MMP16: variants seen among roughly 807,000 people sequenced by gnomAD.
The protein encoded by MMP16 is matrix metallopeptidase 16.
MMP16 carries 12 observed loss-of-function variants against 67.8 expected under a neutral mutation model. That is an observed-to-expected ratio of 0.18 (90% CI 0.11 to 0.29). The LOEUF (loss-of-function observed/expected upper bound fraction) is 0.29, where lower values mean the gene tolerates loss of function less well. Among genes scored for constraint, MMP16 ranks in the 10% least tolerant of loss-of-function variants. The pLI is 1.00. For missense variants in MMP16, 475 were observed against 765.7 expected (o/e 0.62, Z 4.48); for synonymous variants, 249 against 255.9 (o/e 0.97, Z 0.26).
chr8:88,097,517 T>A (rs1455310311), intron 6 of MMP16, among the ~76,000 whole-genome samples: 1 of 150,234 alleles, frequency 6.7e-6, no homozygotes, highest in African/African-American at 2.4e-5. Context: ...TCTTGGTTAC[T>A]TGGTAGACTC....
chr8:88,057,426 A>G (rs16877270), intron 7 of MMP16, among the ~76,000 whole-genome samples: 39,675 of 151,926 alleles, frequency 0.26, 5,408 homozygotes, highest in Non-Finnish European at 0.3. Flanking sequence ...TTACCCTAAA[A>G]TTGTATTTCC....
intron 6 of MMP16, among the ~76,000 whole-genome samples, chr8:88,089,678 G>C (rs1233886256): frequency 2.0e-5 from 3 of 151,946 alleles, no homozygotes; most frequent in African/African-American, 7.2e-5. Flanking sequence ...TGTCTAAGGG[G>C]AAGACGTTCA....
chr8:88,242,927 T>A (rs1810055304), intron 1 of MMP16, among the ~76,000 whole-genome samples: 1 of 152,142 alleles, frequency 6.6e-6, no homozygotes, highest in Admixed American at 6.5e-5. Context: ...AAGACACTAT[T>A]TTTCTTTTAA....
At chr8:88,280,678 C>G (rs1375478345) in intron 1 of MMP16, among the ~76,000 whole-genome samples, 1 of 152,036 alleles carries the variant, frequency 6.6e-6, no homozygotes, top group Admixed American at 6.6e-5. Flanking sequence ...ATCACTTGAG[C>G]CCAAGAGTTC....
At chr8:88,237,613 C>T (rs908023888) in intron 1 of MMP16, among the ~76,000 whole-genome samples, 1 of 152,036 alleles carries the variant, frequency 6.6e-6, no homozygotes, top group Non-Finnish European at 1.5e-5. Context: ...CGCGCCACAG[C>T]ACTCCAGCCT....
Position 88,039,587 on chromosome 8 carries a change from T to TAATG in MMP16, c.*1870_*1873dup, listed in dbSNP as rs1808104066. On this transcript the variant is annotated 3_prime_UTR_variant, in exon 10 of 10. Transcript: ENST00000286614. The surrounding 1 kb of genome is among the most constrained non-coding windows in gnomAD (Gnocchi z 4.5). ...CAGAAGACAATGTTTAAGTTGTTGT[T>TAATG]AATGACAGTCAATAGATCAATAATC... 1 of 152,630 alleles carries TAATG rather than the reference T, an allele frequency of 6.6e-6. No homozygotes were observed. Among genetic ancestry groups the TAATG allele is most frequent in the South Asian group, 2.1e-4 (1 of 4,832 alleles). The allele number at this position is 152,630 out of a possible 1,614,324, so 9.5% of individuals were successfully genotyped here. A position where few individuals can be genotyped will look rare whatever the true frequency, so the allele number is the denominator to read the frequency against.
At chr8:88,086,646 C>T (rs1326086642) in intron 6 of MMP16, among the ~76,000 whole-genome samples, 1 of 151,808 alleles carries the variant, frequency 6.6e-6, no homozygotes, top group East Asian at 1.9e-4. Flanking sequence ...TATTTTCAAA[C>T]TAAAGAAAGA....
intron 4 of MMP16, among the ~76,000 whole-genome samples, chr8:88,144,251 C>A (rs923819896): frequency 1.6e-4 from 24 of 151,894 alleles, no homozygotes; most frequent in Admixed American, 1.3e-4. Flanking sequence ...TTTTCTTGAT[C>A]TAATATTCTA....
intron 1 of MMP16, among the ~76,000 whole-genome samples, chr8:88,326,043 T>A (rs943908138): frequency 2.0e-5 from 3 of 152,096 alleles, no homozygotes; most frequent in African/African-American, 7.2e-5. Context: ...ATCAACAATA[T>A]AAGAAAAAAA....
chr8:88,284,118 C>T lies in MMP16; in HGVS notation c.132+42957G>A, dbSNP rs28986505. Among the ~76,000 whole-genome samples, 1,035 of 152,290 alleles carry T rather than the reference C, an allele frequency of 6.8e-3. 8 individuals are homozygous for T. Among genetic ancestry groups the T allele is most frequent in the Middle Eastern group, 0.01 (3 of 294 alleles). On this transcript the variant is annotated intron_variant, in intron 1 of 9. Coordinates refer to ENST00000286614, the MANE Select transcript of MMP16 (RefSeq NM_005941.5). Reference sequence around the variant, plus strand: ...CACTATTAGGACAGTATTGTCTTTACTTGTTCTAGTGAAAGTCATTTGAAA... The same window carrying T: ...CACTATTAGGACAGTATTGTCTTTATTTGTTCTAGTGAAAGTCATTTGAAA...
intron 7 of MMP16, chr8:88,069,115 G>A (rs184108016): frequency 1.0e-5 from 2 of 191,860 alleles, no homozygotes; most frequent in Non-Finnish European, 2.1e-5. Flanking sequence ...CAAGTATTTC[G>A]ATCGGGATTG....
At chr8:88,287,610 A>G (rs891868200) in intron 1 of MMP16, among the ~76,000 whole-genome samples, 8 of 152,212 alleles carry the variant, frequency 5.3e-5, no homozygotes, top group African/African-American at 1.9e-4. Flanking sequence ...CAGGTACCCA[A>G]TAAATATGTA....
chr8:88,230,625 C>T (rs142152659), intron 1 of MMP16, among the ~76,000 whole-genome samples: 310 of 150,370 alleles, frequency 2.1e-3, no homozygotes, highest in Non-Finnish European at 3.5e-3. Context: ...TGATACATAA[C>T]ATGCCATTTT....
chr8:88,131,223 CAA>C (rs756372935), intron 4 of MMP16, among the ~76,000 whole-genome samples: 3 of 151,100 alleles, frequency 2.0e-5, no homozygotes, highest in Non-Finnish European at 4.4e-5. Context: ...TGTTTGAATA[CAA>C]AGTCTTTCTT....
intron 1 of MMP16, among the ~76,000 whole-genome samples, chr8:88,302,639 G>C (rs183381887): frequency 1.4e-4 from 21 of 152,222 alleles, no homozygotes; most frequent in East Asian, 1.4e-3. Flanking sequence ...TATGTGTGTA[G>C]GGGAAAATTG....
At chr8:88,207,521 T>C (rs866325472) in intron 1 of MMP16, among the ~76,000 whole-genome samples, 15 of 152,168 alleles carry the variant, frequency 9.9e-5, no homozygotes, top group Middle Eastern at 3.2e-3. Context: ...ATGGAACCCA[T>C]ACAAAGTGCT....
At chr8:88,177,002 T>C (rs182348069) in intron 3 of MMP16, among the ~76,000 whole-genome samples, 57 of 152,326 alleles carry the variant, frequency 3.7e-4, no homozygotes, top group Non-Finnish European at 2.6e-4. Flanking sequence ...ATATTAAGTC[T>C]TTCTACTGAA....
intron 4 of MMP16, among the ~76,000 whole-genome samples, chr8:88,146,560 CATT>C (rs531671574): frequency 3.1e-4 from 47 of 152,026 alleles, no homozygotes; most frequent in African/African-American, 8.2e-4. Context: ...CCTATTCACT[CATT>C]GTTGTTTGTA....
In MMP16 at chr8:88,215,335, T is replaced by C. The variant is rs190944983; in HGVS notation, c.133-18029A>G. Among the ~76,000 whole-genome samples the C allele has an allele frequency of 6.3e-3, 948 of 151,344 alleles. 7 individuals carry two copies. The highest frequency in any genetic ancestry group is 0.024 in the Middle Eastern group (7 of 292). Reference sequence around the variant, plus strand: ...AGACTCTGTCTAAAAAAAAAAAAAGTAGCAACTGAATCTAAGAGCATTTTT... The same window carrying C: ...AGACTCTGTCTAAAAAAAAAAAAAGCAGCAACTGAATCTAAGAGCATTTTT... On this transcript the variant is annotated intron_variant, in intron 1 of 9. Coordinates refer to ENST00000286614, the MANE Select transcript of MMP16 (RefSeq NM_005941.5).
Sources: gnomAD v4.1 joint callset for allele counts (sites outside exome capture counted in the v4.1 genomes callset) on GRCh38, gnomAD v4.1.1 for gene constraint, Gnocchi (gnomAD v3.1) non-coding constraint, MANE v1.5 for transcripts, NCBI Gene and HGNC (gene_info 2026-07-23, HGNC 2026-07-21) for gene names.